Variants in SYT1 observed in about 807,000 individuals in gnomAD.
The protein encoded by SYT1 is synaptotagmin 1, also known as synaptotagmin-1.
In SYT1, 8 loss-of-function variants were observed where a neutral mutation model predicts 44.8. The ratio of observed to expected loss-of-function variants is 0.18; its 90% CI spans 0.10 to 0.32. SYT1 has a LOEUF of 0.32. SYT1 is among the 10% of genes least tolerant of loss of function. The probability of loss-of-function intolerance (pLI) is 1.00; values close to 1 mark genes in which losing one functional copy is unlikely to be tolerated. For missense variants in SYT1, 286 were observed against 509.3 expected (o/e 0.56, Z 4.22); for synonymous variants, 154 against 188.8 (o/e 0.82, Z 1.51).
intron 1 of SYT1, among the ~76,000 whole-genome samples, chr12:78,903,667 A>G (rs536602021): frequency 6.6e-6 from 1 of 152,232 alleles, no homozygotes; most frequent in East Asian, 1.9e-4. Context: ...TCTGCATTCT[A>G]TAAAAAGGTT....
intron 9 of SYT1, among the ~76,000 whole-genome samples, chr12:79,410,919 A>G (rs538848036): frequency 7.2e-5 from 11 of 152,112 alleles, no homozygotes; most frequent in Non-Finnish European, 1.5e-4. Context: ...AATGCTCCAA[A>G]TATTTTCTTT....
chr12:78,986,252 A>G (rs1016227066), intron 2 of SYT1, among the ~76,000 whole-genome samples: 1 of 152,138 alleles, frequency 6.6e-6, no homozygotes, highest in East Asian at 1.9e-4. Flanking sequence ...TTTTATTGCT[A>G]TGTAACATTT....
intron 1 of SYT1, among the ~76,000 whole-genome samples, chr12:78,914,519 GA>G (rs1876534155): frequency 1.7e-5 from 2 of 119,528 alleles, no homozygotes; most frequent in Non-Finnish European, 3.6e-5. Context: ...ATAGATAGAT[GA>G]TAGATATGTG....
At chr12:78,935,536 A>ATG (rs1306534035) in intron 1 of SYT1, among the ~76,000 whole-genome samples, 9 of 152,238 alleles carry the variant, frequency 5.9e-5, no homozygotes, top group Non-Finnish European at 1.3e-4. Context: ...AAGAATGGAT[A>ATG]TGAATAATTT....
Position 79,376,308 on chromosome 12 carries a change from C to G in SYT1, c.928+22689C>G, listed in dbSNP as rs189723851. Among the ~76,000 whole-genome samples the G allele has an allele frequency of 3.3e-5, 5 of 152,226 alleles. No homozygotes were observed. In the South Asian group the frequency reaches 6.2e-4, roughly 19 times the overall value. ...AGCAGTCCCGAGGGCTGCTGGTTGCCCATTTTTATGGTCATTTCTTGATGA... is the reference window on the plus strand; with the variant it reads ...AGCAGTCCCGAGGGCTGCTGGTTGCGCATTTTTATGGTCATTTCTTGATGA... On this transcript the variant is annotated intron_variant, in intron 9 of 10. Coordinates refer to ENST00000261205, the MANE Select transcript of SYT1 (RefSeq NM_005639.3).
chr12:79,189,459 A>G (rs945256061), intron 3 of SYT1, among the ~76,000 whole-genome samples: 1 of 152,210 alleles, frequency 6.6e-6, no homozygotes, highest in African/African-American at 2.4e-5. Context: ...TAACTGAAAA[A>G]TGTGAACAAT....
At chr12:78,945,468 CTATATATATA>C (rs35939696) in intron 1 of SYT1, among the ~76,000 whole-genome samples, 2 of 146,184 alleles carry the variant, frequency 1.4e-5, no homozygotes, top group African/African-American at 5.0e-5. Context: ...TTATGTGTGT[CTATATATATA>C]TATATATATA....
At chr12:79,441,321 G>C (rs1183532495) in intron 9 of SYT1, among the ~76,000 whole-genome samples, 1 of 151,958 alleles carries the variant, frequency 6.6e-6, no homozygotes, top group Non-Finnish European at 1.5e-5. Flanking sequence ...TGCTGCTGCT[G>C]TTGTTGTTGT....
chr12:78,976,520 A>T (rs1170101622), intron 1 of SYT1: 1 of 152,246 alleles, frequency 6.6e-6, no homozygotes, highest in Admixed American at 6.5e-5. Context: ...AGAATGGTTT[A>T]ATAACTGCAG....
At chr12:78,955,261 G>A (rs1404994037) in intron 1 of SYT1, among the ~76,000 whole-genome samples, 1 of 151,952 alleles carries the variant, frequency 6.6e-6, no homozygotes, top group Non-Finnish European at 1.5e-5. Flanking sequence ...GACAAGAAAA[G>A]CGTTGCTTGA....
intron 9 of SYT1, among the ~76,000 whole-genome samples, chr12:79,368,859 T>C (rs1318330758): frequency 6.6e-6 from 1 of 152,220 alleles, no homozygotes; most frequent in Admixed American, 6.5e-5. Flanking sequence ...GCCTGTTCAC[T>C]CTGATGGTAG....
chr12:79,351,460 A>G (rs575151946), intron 8 of SYT1, among the ~76,000 whole-genome samples: 10 of 152,140 alleles, frequency 6.6e-5, no homozygotes, highest in Non-Finnish European at 1.5e-4. Flanking sequence ...CCTAATTAGA[A>G]CAGTTAGAGT....
intron 5 of SYT1, among the ~76,000 whole-genome samples, chr12:79,287,918 T>C (rs1247081687): frequency 2.6e-5 from 4 of 152,164 alleles, no homozygotes; most frequent in Non-Finnish European, 5.9e-5. Context: ...TAATCTGTTA[T>C]TGCAAATTAT....
At chr12:79,222,684 A>G (rs11113190) in intron 4 of SYT1, among the ~76,000 whole-genome samples, 106,927 of 152,122 alleles carry the variant, frequency 0.7, 38,049 homozygotes, top group African/African-American at 0.77. Context: ...CACCTGGCCT[A>G]CTTTAAATAA....
At chr12:78,965,968 T>C (rs1195339107) in intron 1 of SYT1, among the ~76,000 whole-genome samples, 1 of 151,160 alleles carries the variant, frequency 6.6e-6, no homozygotes, top group African/African-American at 2.4e-5. Context: ...TCTCAGCTAC[T>C]CGGGAGGCTG....
Position 79,338,596 on chromosome 12 carries a change from T to C in SYT1, c.811-14906T>C, listed in dbSNP as rs185718164. ...CCAACTAAAATTTCTCTTTTTTTTT[T>C]CTTCAATCCCTCCCTGCCTCCCTCC... On this transcript the variant is annotated intron_variant, in intron 8 of 10. Transcript: ENST00000261205. 7.4e-3 allele frequency among the ~76,000 whole-genome samples: 1,121 copies of C among 151,572 alleles called. 7 individuals are homozygous for C. The highest frequency in any genetic ancestry group is 0.014 in the Middle Eastern group (4 of 294).
At chr12:79,252,186 C>T (rs1205391373) in intron 4 of SYT1, among the ~76,000 whole-genome samples, 2 of 152,100 alleles carry the variant, frequency 1.3e-5, no homozygotes, top group African/African-American at 4.8e-5. Flanking sequence ...CAAGAACCTA[C>T]TCTGAGATTT....
intron 8 of SYT1, among the ~76,000 whole-genome samples, chr12:79,345,629 G>A (rs1442821241): frequency 2.0e-5 from 3 of 152,116 alleles, no homozygotes; most frequent in African/African-American, 4.8e-5. Flanking sequence ...ACATTACACA[G>A]CAACATTTCA....
chr12:79,189,972 T>A (rs1254134443), intron 3 of SYT1, among the ~76,000 whole-genome samples: 1 of 152,072 alleles, frequency 6.6e-6, no homozygotes, highest in Non-Finnish European at 1.5e-5. Flanking sequence ...GGAAGTGGCA[T>A]ATAAAGGGGA....
Sources: gnomAD v4.1 joint callset for allele counts (sites outside exome capture counted in the v4.1 genomes callset) on GRCh38, gnomAD v4.1.1 for gene constraint, MANE v1.5 for transcripts, NCBI Gene and HGNC (gene_info 2026-07-23, HGNC 2026-07-21) for gene names.